Variants in CSMD1 observed in about 807,000 individuals in gnomAD.
CSMD1 encodes the protein CUB and Sushi multiple domains 1, also known as CUB and sushi domain-containing protein 1.
CSMD1 carries 213 observed loss-of-function variants against 417.5 expected under a neutral mutation model. The observed-to-expected ratio is 0.51, with a 90% CI of 0.46 to 0.57. CSMD1 has a LOEUF of 0.57. Among genes scored for constraint, CSMD1 ranks in the 20% least tolerant of loss-of-function variants. CSMD1 has a pLI of 0.00. For synonymous variants in CSMD1, 2,862 were observed against 1,736.8 expected (o/e 1.65, Z -16.11); for missense variants, 6,923 against 4,529.7 (o/e 1.53, Z -15.17).
chr8:3,508,906 C>G (rs1796947480), intron 10 of CSMD1, among the ~76,000 whole-genome samples: 1 of 152,122 alleles, frequency 6.6e-6, no homozygotes, highest in Non-Finnish European at 1.5e-5. Context: ...GATCCATGGA[C>G]CCTTGCACAT....
chr8:4,885,442 A>C (rs1025273147), intron 1 of CSMD1, among the ~76,000 whole-genome samples: 2 of 152,060 alleles, frequency 1.3e-5, no homozygotes. Flanking sequence ...TAGTCTTTTA[A>C]CATTAAGTAT....
chr8:3,838,809 A>C (rs1245404508), intron 5 of CSMD1, among the ~76,000 whole-genome samples: 1 of 105,306 alleles, frequency 9.5e-6, no homozygotes, highest in Non-Finnish European at 1.7e-5. Flanking sequence ...ATATATAATA[A>C]TTATATATAC....
intron 3 of CSMD1, among the ~76,000 whole-genome samples, chr8:4,111,669 A>G (rs1426190028): frequency 6.6e-6 from 1 of 152,186 alleles, no homozygotes; most frequent in Non-Finnish European, 1.5e-5. Flanking sequence ...TCCTGCAGGA[A>G]GCAAAAGACA....
intron 21 of CSMD1, among the ~76,000 whole-genome samples, 196 bp from the exon 22 acceptor site, chr8:3,348,357 C>T (rs1024203198): frequency 1.3e-5 from 2 of 152,250 alleles, no homozygotes; most frequent in East Asian, 3.9e-4. Context: ...CCACCTAGCT[C>T]ATTTTGAAAA....
intron 10 of CSMD1, among the ~76,000 whole-genome samples, chr8:3,520,514 T>C (rs909138099): frequency 6.6e-6 from 1 of 152,186 alleles, no homozygotes; most frequent in African/African-American, 2.4e-5. Context: ...TCTTGTCAAT[T>C]TTATATCATG....
chr8:3,470,380 T>C (rs1232068564), intron 11 of CSMD1, among the ~76,000 whole-genome samples: 2 of 152,218 alleles, frequency 1.3e-5, no homozygotes, highest in African/African-American at 4.8e-5. Flanking sequence ...GATACACATG[T>C]GGTAGGTAGT....
At chr8:3,838,042 T>G (rs1419358300) in intron 5 of CSMD1, among the ~76,000 whole-genome samples, 2 of 152,110 alleles carry the variant, frequency 1.3e-5, no homozygotes, top group Non-Finnish European at 2.9e-5. Flanking sequence ...ATGTATGTAT[T>G]GATTAGTGTG....
At chr8:4,446,409 G>T (rs1051848773) in intron 2 of CSMD1, among the ~76,000 whole-genome samples, 9 of 152,132 alleles carry the variant, frequency 5.9e-5, no homozygotes, top group Non-Finnish European at 1.3e-4. Context: ...GTAGCCATGG[G>T]TGGTGGTGCA....
In CSMD1 at chr8:3,039,526, GTTCCTTCCTTCT is replaced by G. The variant is rs1390440706; in HGVS notation, c.7661-10025_7661-10014del. ...CCTTCTTTCCCTTCCTCCCTCCTTCGTTCCTTCCTTCTTTCCTTCCTTCCTTTCCTCCTTATT... is the reference window on the plus strand; with the variant it reads ...CCTTCTTTCCCTTCCTCCCTCCTTCGTTCCTTCCTTCCTTTCCTCCTTATT... On this transcript the variant is annotated intron_variant, in intron 50 of 69. Transcript: ENST00000635120. 2.1e-4 allele frequency among the ~76,000 whole-genome samples: 27 copies of G among 126,170 alleles called. No individual in the cohort carries two copies. In the East Asian group the frequency reaches 5.9e-3, roughly 28 times the overall value. 82.8% of individuals were successfully genotyped at this position (126,170 alleles called of 152,430 possible). A position where few individuals can be genotyped will look rare whatever the true frequency, so the allele number is the denominator to read the frequency against.
chr8:3,994,910 A>T (rs1184302512), intron 5 of CSMD1, among the ~76,000 whole-genome samples: 2 of 152,102 alleles, frequency 1.3e-5, no homozygotes, highest in Admixed American at 6.5e-5. Context: ...AAAATAGATT[A>T]TTGGAAGATC....
At chr8:3,898,916 C>T (rs1047974106) in intron 5 of CSMD1, among the ~76,000 whole-genome samples, 4 of 152,130 alleles carry the variant, frequency 2.6e-5, no homozygotes, top group South Asian at 2.1e-4. Context: ...TGTAGTGACT[C>T]TATTCAAGAA....
intron 10 of CSMD1, among the ~76,000 whole-genome samples, chr8:3,516,858 A>G (rs900858788): frequency 6.6e-6 from 1 of 152,208 alleles, no homozygotes; most frequent in Non-Finnish European, 1.5e-5. Context: ...ATTATTTGAT[A>G]AAGATACTTG....
intron 1 of CSMD1, among the ~76,000 whole-genome samples, chr8:4,669,317 C>G (rs1165880270): frequency 1.3e-5 from 2 of 152,180 alleles, no homozygotes; most frequent in Non-Finnish European, 2.9e-5. Context: ...GAAGTTAGCT[C>G]TACCCAGAAG....
chr8:3,805,045 A>G (rs1013289950), intron 5 of CSMD1, among the ~76,000 whole-genome samples: 1 of 152,136 alleles, frequency 6.6e-6, no homozygotes, highest in Non-Finnish European at 1.5e-5. Context: ...ACACTGGAAT[A>G]TAACACCACT....
chr8:3,152,155 G>C (rs1386473355), intron 39 of CSMD1, among the ~76,000 whole-genome samples: 1 of 152,170 alleles, frequency 6.6e-6, no homozygotes, highest in African/African-American at 2.4e-5. Flanking sequence ...TTCTCCCCAG[G>C]AAATCTTATG....
At chr8:3,802,556 A>C (rs1427649178) in intron 5 of CSMD1, among the ~76,000 whole-genome samples, 1 of 152,178 alleles carries the variant, frequency 6.6e-6, no homozygotes, top group Non-Finnish European at 1.5e-5. Flanking sequence ...TTTGCCACCT[A>C]CTTAGTTAAG....
In CSMD1 at chr8:3,097,052, A is replaced by G. The variant is rs1262737735; in HGVS notation, c.6950-15T>C. On this transcript the variant is annotated splice_polypyrimidine_tract_variant and intron_variant, in intron 46 of 69. Coordinates refer to ENST00000635120, the MANE Select transcript of CSMD1 (RefSeq NM_033225.6). The stretch of plus-strand genomic sequence containing the variant: ...TGGGCATTGTGCTGGAGAGAAAAGT[A>G]CCAGCAAAAGTTTGCTTTAATAAAA... 4 of 1,506,378 alleles carry G rather than the reference A, an allele frequency of 2.7e-6. No homozygotes were observed. Among genetic ancestry groups the G allele is most frequent in the East Asian group, 2.5e-5 (1 of 40,196 alleles). The allele number at this position is 1,506,378 out of a possible 1,614,324, so 93.3% of individuals were successfully genotyped here.
At chr8:4,959,387 T>C (rs1337688475) in intron 1 of CSMD1, among the ~76,000 whole-genome samples, 1 of 152,208 alleles carries the variant, frequency 6.6e-6, no homozygotes, top group Non-Finnish European at 1.5e-5. Flanking sequence ...GGCGCTCTCA[T>C]TTTTGTCCAC....
intron 5 of CSMD1, among the ~76,000 whole-genome samples, chr8:3,766,489 C>A (rs746893521): frequency 6.6e-6 from 1 of 152,052 alleles, no homozygotes; most frequent in African/African-American, 2.4e-5. Context: ...AAGAAACAAA[C>A]AGGGAGACAC....
Sources: allele counts gnomAD v4.1 joint callset (sites outside exome capture counted in the v4.1 genomes callset), GRCh38; gene constraint gnomAD v4.1.1; transcripts MANE v1.5; gene names NCBI Gene and HGNC (gene_info 2026-07-23, HGNC 2026-07-21).